SEMA5A: variants seen among roughly 807,000 people sequenced by gnomAD.
SEMA5A encodes semaphorin-5A.
A neutral mutation model predicts 135.5 loss-of-function variants in SEMA5A; 55 were observed. The observed-to-expected ratio is 0.41, with a 90% CI of 0.33 to 0.51. The LOEUF is 0.51. Among genes scored for constraint, SEMA5A ranks in the 20% least tolerant of loss-of-function variants. The probability of loss-of-function intolerance (pLI) is 0.37; values close to 1 mark genes in which losing one functional copy is unlikely to be tolerated. For missense variants in SEMA5A, 1,290 were observed against 1,419.9 expected (o/e 0.91, Z 1.47); for synonymous variants, 580 against 546.5 (o/e 1.06, Z -0.85).
intron 5 of SEMA5A, among the ~76,000 whole-genome samples, chr5:9,249,632 T>C (rs1447219961): frequency 1.3e-5 from 2 of 152,116 alleles, no homozygotes; most frequent in African/African-American, 2.4e-5. Flanking sequence ...CTACAATATA[T>C]ATGAAAGATG....
chr5:9,178,331 CTTTT>C (rs5865809), intron 11 of SEMA5A, among the ~76,000 whole-genome samples: 3 of 123,594 alleles, frequency 2.4e-5, no homozygotes, highest in African/African-American at 3.0e-5. Context: ...TTTTTCTCTC[CTTTT>C]TTTTTTTTTT....
intron 3 of SEMA5A, among the ~76,000 whole-genome samples, chr5:9,359,529 G>C (rs16882540): frequency 0.042 from 6,440 of 152,264 alleles, 436 homozygotes; most frequent in African/African-American, 0.15. Flanking sequence ...GACTGAAGCT[G>C]AGTTGATGAT....
chr5:9,130,013 C>A (rs1409839388), intron 13 of SEMA5A, among the ~76,000 whole-genome samples: 1 of 152,170 alleles, frequency 6.6e-6, no homozygotes, highest in Non-Finnish European at 1.5e-5. Flanking sequence ...AAATTAGCTT[C>A]AAGTAATTTT....
intron 9 of SEMA5A, among the ~76,000 whole-genome samples, chr5:9,200,007 C>T (rs765642164): frequency 3.9e-5 from 6 of 152,124 alleles, no homozygotes; most frequent in African/African-American, 1.2e-4. Flanking sequence ...AGCCCAGTAT[C>T]GGACAGCTTT....
chr5:9,262,504 C>G (rs1561083488), intron 5 of SEMA5A, among the ~76,000 whole-genome samples: 1 of 67,796 alleles, frequency 1.5e-5, no homozygotes, highest in East Asian at 4.1e-4. Context: ...GCCAAATGTC[C>G]AACAATGATA....
chr5:9,313,591 TA>T (rs1752240920), intron 5 of SEMA5A, among the ~76,000 whole-genome samples: 1 of 152,028 alleles, frequency 6.6e-6, no homozygotes, highest in Non-Finnish European at 1.5e-5. Flanking sequence ...TCTGAACATA[TA>T]AAAAGAAAGA....
chr5:9,519,426 G>C (rs2126866792), intron 1 of SEMA5A, among the ~76,000 whole-genome samples: 1 of 152,326 alleles, frequency 6.6e-6, no homozygotes, highest in South Asian at 2.1e-4. Context: ...ATGCTGGGTT[G>C]ACAAGCAAGA....
At chr5:9,047,107 T>C (rs536068394) in intron 21 of SEMA5A, among the ~76,000 whole-genome samples, 1 of 152,296 alleles carries the variant, frequency 6.6e-6, no homozygotes, top group South Asian at 2.1e-4. Context: ...GACGCTATAC[T>C]TAGATAAGCA....
intron 8 of SEMA5A, among the ~76,000 whole-genome samples, chr5:9,222,289 G>A (rs778887841): frequency 3.3e-5 from 5 of 152,146 alleles, no homozygotes; most frequent in Non-Finnish European, 5.9e-5. Flanking sequence ...ATCAATCAGA[G>A]AAGCGAATCA....
chr5:9,444,813 TTTTC>T (rs1758369240), intron 1 of SEMA5A, among the ~76,000 whole-genome samples: 2 of 152,164 alleles, frequency 1.3e-5, no homozygotes, highest in Admixed American at 6.5e-5. Context: ...TCTTAACGGT[TTTTC>T]TTTCTTAAGG....
intron 13 of SEMA5A, among the ~76,000 whole-genome samples, chr5:9,127,693 A>G (rs997137370): frequency 2.0e-5 from 3 of 152,176 alleles, no homozygotes; most frequent in African/African-American, 7.2e-5. Context: ...TCCCCCTAAT[A>G]TTAATCAGAA....
chr5:9,437,418 G>A (rs1233327021), intron 2 of SEMA5A, among the ~76,000 whole-genome samples: 1 of 151,948 alleles, frequency 6.6e-6, no homozygotes, highest in Non-Finnish European at 1.5e-5. Flanking sequence ...GTGCAGTGGT[G>A]CAATCTCAGC....
chr5:9,416,192 C>A (rs548666180), intron 2 of SEMA5A, among the ~76,000 whole-genome samples: 4 of 152,188 alleles, frequency 2.6e-5, no homozygotes, highest in African/African-American at 7.2e-5. Context: ...ATTCCCCCAA[C>A]CTTTACTCAA....
intron 5 of SEMA5A, among the ~76,000 whole-genome samples, chr5:9,281,199 C>A (rs1750524181): frequency 6.6e-6 from 1 of 152,166 alleles, no homozygotes; most frequent in African/African-American, 2.4e-5. Flanking sequence ...ATCTTTACTT[C>A]TATAGGAATA....
At chr5:9,218,164 G>C (rs1408869227) in intron 8 of SEMA5A, among the ~76,000 whole-genome samples, 1 of 152,038 alleles carries the variant, frequency 6.6e-6, no homozygotes, top group Non-Finnish European at 1.5e-5. Context: ...GTTTACCTTT[G>C]TAACAAACCT....
At chr5:9,043,274 G>A in intron 22 of SEMA5A, 1 of 338,224 alleles carries the variant, frequency 3.0e-6, no homozygotes, top group Non-Finnish European at 5.4e-6. Context: ...ACGAGAAGCA[G>A]GAGGTAAGAA....
intron 2 of SEMA5A, among the ~76,000 whole-genome samples, chr5:9,384,637 TAGATAGATAG>T (rs1360378196): frequency 0.036 from 4,259 of 119,052 alleles, 303 homozygotes; most frequent in African/African-American, 0.047. Flanking sequence ...GATAGATAGA[TAGATAGATAG>T]ATAGATAGAT....
chr5:9,353,084 GA>G (rs372853561), intron 3 of SEMA5A, among the ~76,000 whole-genome samples: 7,345 of 21,436 alleles, frequency 0.34, 1,988 homozygotes, highest in South Asian at 0.53. Flanking sequence ...GAAAGGAAAG[GA>G]AAGGAAAGGA....
chr5:9,425,460 G>A (rs268484), intron 2 of SEMA5A, among the ~76,000 whole-genome samples: 137,988 of 152,252 alleles, frequency 0.91, 62,991 homozygotes, highest in Middle Eastern at 0.95. Context: ...TTCAAGAAAA[G>A]CAGTCAGTGT....
Sources: allele counts gnomAD v4.1 joint callset (sites outside exome capture counted in the v4.1 genomes callset), GRCh38; gene constraint gnomAD v4.1.1; transcripts MANE v1.5; gene names NCBI Gene and HGNC (gene_info 2026-07-23, HGNC 2026-07-21).